Variants in HEXB observed in about 807,000 individuals in gnomAD.
HEXB encodes the protein beta-hexosaminidase subunit beta.
A neutral mutation model predicts 71.2 loss-of-function variants in HEXB; 51 were observed. The ratio of observed to expected loss-of-function variants is 0.72; its 90% CI spans 0.57 to 0.90. HEXB has a LOEUF of 0.90. Ranked by LOEUF, HEXB falls within the 40% of genes least tolerant of loss-of-function variation. The probability of loss-of-function intolerance (pLI) is 0.00; values close to 1 mark genes in which losing one functional copy is unlikely to be tolerated. For missense variants in HEXB, 617 were observed against 677.0 expected (o/e 0.91, Z 0.98); for synonymous variants, 266 against 249.3 (o/e 1.07, Z -0.63).
At chr5:74,699,955 T>TTA (rs1561219673) in intron 5 of HEXB, among the ~76,000 whole-genome samples, 2 of 150,554 alleles carry the variant, frequency 1.3e-5, no homozygotes, top group East Asian at 1.9e-4. Context: ...GCCTTTTTTT[T>TTA]ACATATTAAT....
chr5:74,683,750 C>T (rs1256421491), upstream of HEXB, among the ~76,000 whole-genome samples: 1 of 151,640 alleles, frequency 6.6e-6, no homozygotes, highest in African/African-American at 2.4e-5. Flanking sequence ...TCCAAGTATT[C>T]AACATGCCAA....
At chr5:74,707,786 A>G (rs1361355356) in intron 6 of HEXB, among the ~76,000 whole-genome samples, 2 of 145,978 alleles carry the variant, frequency 1.4e-5, no homozygotes, top group East Asian at 4.1e-4. Context: ...ATATGGGACT[A>G]TGTGAAAAGA....
chr5:74,662,794 G>A lies in HEXB; in HGVS notation c.-377+22236G>A, dbSNP rs145972685. On this transcript the variant is annotated intron_variant, in intron 1 of 13. Transcript: ENST00000511181. ...CACCTTTCCAGAAATGTATTAACCA[G>A]CTATAATTTGGTTTTTTGTAAAGGA... Among the ~76,000 whole-genome samples the A allele has an allele frequency of 2.7e-3, 406 of 152,266 alleles. 2 individuals carry two copies. Among genetic ancestry groups the A allele is most frequent in the African/African-American group, 8.8e-3 (364 of 41,540 alleles).
upstream of HEXB, among the ~76,000 whole-genome samples, chr5:74,681,109 G>A (rs1389987113): frequency 6.6e-6 from 1 of 152,178 alleles, no homozygotes; most frequent in African/African-American, 2.4e-5. Context: ...CTAAAATGGG[G>A]ACAATAAAAC....
intron 1 of HEXB, among the ~76,000 whole-genome samples, chr5:74,664,380 T>C (rs923511462): frequency 4.8e-5 from 7 of 144,340 alleles, no homozygotes; most frequent in Non-Finnish European, 1.0e-4. Context: ...AAAGTAGCTA[T>C]GATCGTGCCA....
In HEXB at chr5:74,685,347, G is replaced by A; in HGVS notation, c.87G>A (p.Leu29=). The change falls in exon 1 of 14, where the codon CTG becomes CTA. Residue 29 remains leucine, a synonymous_variant. Coordinates refer to ENST00000261416, the MANE Select transcript of HEXB (RefSeq NM_000521.4). ...LATLLAAMLA[L]LTQVALVVQV... Reference sequence around the variant, plus strand: ...CACTGCTGGCGGCGATGTTGGCGCTGCTGACTCAGGTGGCGCTGGTGGTGC... The same window carrying A: ...CACTGCTGGCGGCGATGTTGGCGCTACTGACTCAGGTGGCGCTGGTGGTGC... 2 of 1,583,648 alleles carry A rather than the reference G, an allele frequency of 1.3e-6. No individual in the cohort carries two copies. The highest frequency in any genetic ancestry group is 2.3e-5 in the South Asian group (2 of 88,440).
At chr5:74,661,068 C>T (rs1434509785) in intron 1 of HEXB, among the ~76,000 whole-genome samples, 1 of 152,074 alleles carries the variant, frequency 6.6e-6, no homozygotes, top group African/African-American at 2.4e-5. Flanking sequence ...CCCTTCATTC[C>T]AGACAGCACC....
chr5:74,715,906 C>T (rs1474018255), intron 8 of HEXB, among the ~76,000 whole-genome samples: 5 of 149,808 alleles, frequency 3.3e-5, no homozygotes, highest in Non-Finnish European at 5.9e-5. Flanking sequence ...AATCCCAGCT[C>T]CTTGGGAGGC....
intron 1 of HEXB, among the ~76,000 whole-genome samples, chr5:74,661,529 G>C (rs915627106): frequency 1.6e-3 from 184 of 116,856 alleles, no homozygotes; most frequent in African/African-American, 5.3e-3. Context: ...GTGTGTGTGT[G>C]TGTGTGTGTG....
chr5:74,640,877 G>T, intron 1 of HEXB: 1 of 153,358 alleles, frequency 6.5e-6, no homozygotes, highest in Non-Finnish European at 1.5e-5. Context: ...AGTGGGAGGA[G>T]GAGAGGAGCT....
At chr5:74,720,212 G>A in intron 11 of HEXB, 2 of 588,770 alleles carry the variant, frequency 3.4e-6, no homozygotes, top group South Asian at 1.9e-5. Context: ...GTGGGTCAGG[G>A]CTGGGGATAA....
chr5:74,684,397 A>G (rs1748800720), upstream of HEXB, among the ~76,000 whole-genome samples: 1 of 152,234 alleles, frequency 6.6e-6, no homozygotes. Context: ...TTCCTTGGGC[A>G]TGCTCTGCCC....
rs1237671555 is a variant in HEXB, at chr5:74,652,656, C to T, written c.-377+12098C>T. On this transcript the variant is annotated intron_variant, in intron 1 of 13. Coordinates refer to the HEXB transcript ENST00000511181. This position sits in a 1 kb window ranked among gnomAD's most constrained non-coding sequence, Gnocchi z 5.4. ...CATGTAAGGGATTCCCTCCCTTACCCCCACTACCCCCAGGATTGTGTCCAA... is the reference window on the plus strand; with the variant it reads ...CATGTAAGGGATTCCCTCCCTTACCTCCACTACCCCCAGGATTGTGTCCAA... Among the ~76,000 whole-genome samples, 2 of 152,122 alleles carry T rather than the reference C, an allele frequency of 1.3e-5. No homozygotes were observed. The highest frequency in any genetic ancestry group is 2.1e-4 in the South Asian group (1 of 4,820).
chr5:74,647,193 C>T (rs1748017751), intron 1 of HEXB, among the ~76,000 whole-genome samples: 1 of 152,176 alleles, frequency 6.6e-6, no homozygotes, highest in Non-Finnish European at 1.5e-5. Context: ...GATCCAAACT[C>T]TTAATTTGTT....
chr5:74,716,774 G>C (rs1274614737), intron 9 of HEXB, 101 bp downstream of exon 9: 15 of 750,188 alleles, frequency 2.0e-5, no homozygotes, highest in Non-Finnish European at 3.4e-5. Context: ...CTTTGCCTAA[G>C]TGTAGATGTG....
At chr5:74,714,479 G>C (rs1749626758) in intron 7 of HEXB, among the ~76,000 whole-genome samples, 2 of 152,184 alleles carry the variant, frequency 1.3e-5, no homozygotes, top group South Asian at 4.1e-4. Context: ...ATGGCATAAG[G>C]AAATGTGTGC....
chr5:74,640,199 C>T (rs1468516001), exon 1 of HEXB: 1 of 152,230 alleles, frequency 6.6e-6, no homozygotes, highest in Admixed American at 6.5e-5. Context: ...GTCGAAGCTC[C>T]CGAGTGCTCG....
At chr5:74,720,295 C>G in intron 11 of HEXB, 133 bp from the exon 12 acceptor site, 2 of 730,696 alleles carry the variant, frequency 2.7e-6, no homozygotes, top group Non-Finnish European at 5.0e-6. Context: ...CCATTAGCAT[C>G]TCCCAAGGTC....
chr5:74,675,988 C>A (rs980989532), intron 1 of HEXB, among the ~76,000 whole-genome samples: 1 of 152,146 alleles, frequency 6.6e-6, no homozygotes, highest in Non-Finnish European at 1.5e-5. Flanking sequence ...GAGTATAAGA[C>A]TTTGGTGACA....
Sources: allele counts gnomAD v4.1 joint callset (sites outside exome capture counted in the v4.1 genomes callset), GRCh38; gene constraint gnomAD v4.1.1; non-coding constraint Gnocchi (gnomAD v3.1); transcripts MANE v1.5; gene names NCBI Gene and HGNC (gene_info 2026-07-23, HGNC 2026-07-21).